The following DOCK4 variants were observed in gnomAD, a reference collection of about 807,000 sequenced individuals.
DOCK4 encodes the protein dedicator of cytokinesis protein 4.
In DOCK4, 97 loss-of-function variants were observed where a neutral mutation model predicts 268.1. That is an observed-to-expected ratio of 0.36 (90% CI 0.31 to 0.43). DOCK4 has a LOEUF of 0.43. DOCK4 is among the 20% of genes least tolerant of loss of function. The pLI is 1.00. For missense variants in DOCK4, 2,145 were observed against 2,455.7 expected (o/e 0.87, Z 2.67); for synonymous variants, 954 against 887.2 (o/e 1.08, Z -1.34).
intron 1 of DOCK4, among the ~76,000 whole-genome samples, chr7:112,160,244 C>A (rs958673249): frequency 1.3e-5 from 2 of 152,152 alleles, no homozygotes; most frequent in African/African-American, 4.8e-5. Context: ...CTTTACCTCT[C>A]TCAGAGGGCT....
rs1161108408 is a variant in DOCK4, at chr7:111,811,877, A to G, written c.3003T>C (p.Tyr1001=). 6.6e-7 allele frequency: 1 copy of G among 1,504,502 alleles called. No homozygotes were observed. The highest frequency in any genetic ancestry group is 2.0e-5 in the Admixed American group (1 of 50,128). The allele number at this position is 1,504,502 out of a possible 1,614,324, so 93.2% of individuals were successfully genotyped here. The part of the protein sequence containing the change: ...RKNFLNENFD[Y]KIWDSYFYLA... ...AGTCATATAAATGAATGCTTACCTT[A>G]TAATCAAAGTTTTCATTTAAGAAGT... The change falls in exon 28 of 53, where the codon TAT becomes TAC. Residue 1001 remains tyrosine, a synonymous_variant. Transcript: ENST00000428084.
chr7:111,986,886 A>C (rs902598113), intron 6 of DOCK4, among the ~76,000 whole-genome samples: 2 of 152,234 alleles, frequency 1.3e-5, no homozygotes. Context: ...GATGGAACAC[A>C]TTCTTAATTT....
intron 1 of DOCK4, among the ~76,000 whole-genome samples, chr7:112,093,877 G>GC (rs1346429263): frequency 1.6e-5 from 2 of 122,064 alleles, no homozygotes; most frequent in Non-Finnish European, 3.4e-5. Context: ...TGACATATAA[G>GC]GAAAAAAAAA....
At chr7:111,940,075 C>CGTAG (rs1456234349) in intron 11 of DOCK4, 35 bp downstream of exon 11, 1 of 1,611,634 alleles carries the variant, frequency 6.2e-7, no homozygotes, top group Non-Finnish European at 8.5e-7. Flanking sequence ...TACCCCTGTG[C>CGTAG]CTACCCCAGC....
In DOCK4 at chr7:111,739,075, T is replaced by C. The variant is rs1795707289; in HGVS notation, c.5232+59A>G. The C allele has an allele frequency of 4.1e-6, 6 of 1,459,032 alleles. No individual in the cohort carries two copies. In the Admixed American group the frequency reaches 6.8e-5, roughly 16 times the overall value. 90.4% of individuals were successfully genotyped at this position (1,459,032 alleles called of 1,614,324 possible). On this transcript the variant is annotated intron_variant, in intron 49 of 52. Coordinates refer to ENST00000428084, the MANE Select transcript of DOCK4 (RefSeq NM_001363540.2). ...CAGCTACCGCGTGTTTCTGCAGAGA[T>C]AGGTAAGCAATTCCAGAATTGTCCT... is the stretch of plus-strand genomic sequence containing the variant.
At chr7:111,957,218 C>T (rs1244383799) in intron 8 of DOCK4, among the ~76,000 whole-genome samples, 2 of 151,952 alleles carry the variant, frequency 1.3e-5, no homozygotes, top group Admixed American at 6.6e-5. Context: ...AAATAAAAAT[C>T]GCATATTGGA....
chr7:111,842,788 T>C (rs1803799681), intron 25 of DOCK4, among the ~76,000 whole-genome samples: 2 of 152,112 alleles, frequency 1.3e-5, no homozygotes, highest in African/African-American at 4.8e-5. Flanking sequence ...AGAGACCACA[T>C]GCAGAGCCAG....
intron 26 of DOCK4, among the ~76,000 whole-genome samples, chr7:111,834,239 A>G (rs138012887): frequency 6.6e-5 from 10 of 152,300 alleles, no homozygotes; most frequent in African/African-American, 2.4e-4. Context: ...ATATTTACAT[A>G]TTCTCTTTTA....
Position 111,915,921 on chromosome 7 carries a change from A to AT in DOCK4, c.1067-18dup. The AT allele has an allele frequency of 6.2e-7, 1 of 1,606,178 alleles. No individual in the cohort carries two copies. The highest frequency in any genetic ancestry group is 8.5e-7 in the Non-Finnish European group (1 of 1,176,544). ...CTGCTAAACCTAAAACAGATGAGAG[A>AT]TACCCGAGTTAAAAACAGAATAGAA... On this transcript the variant is annotated splice_polypyrimidine_tract_variant and intron_variant, in intron 12 of 52. Transcript: ENST00000428084.
chr7:112,157,584 G>GATTA (rs1816738473), intron 1 of DOCK4, among the ~76,000 whole-genome samples: 1 of 152,120 alleles, frequency 6.6e-6, no homozygotes, highest in African/African-American at 2.4e-5. Context: ...ACAGTTCAGG[G>GATTA]ATTAGAGCAC....
At position 112,115,353 on chromosome 7, in the gene DOCK4, C is replaced by G. The variant is rs76157350; in HGVS notation, c.37+90749G>C. ...CTCAGTTCAGACGCAGTGAGTCCAT[C>G]TGATGTGCTACTTCCTGAAAGAACA... On this transcript the variant is annotated intron_variant, in intron 1 of 52. Transcript: ENST00000428084. Among the ~76,000 whole-genome samples, 718 of 152,306 alleles carry G rather than the reference C, an allele frequency of 4.7e-3. 5 individuals are homozygous for G. Among genetic ancestry groups the G allele is most frequent in the African/African-American group, 0.017 (691 of 41,558 alleles).
chr7:111,845,918 C>T (rs929948530), intron 24 of DOCK4, among the ~76,000 whole-genome samples: 1 of 152,076 alleles, frequency 6.6e-6, no homozygotes, highest in Non-Finnish European at 1.5e-5. Flanking sequence ...TTTATAGAGG[C>T]GGGTTTAAAA....
intron 1 of DOCK4, among the ~76,000 whole-genome samples, chr7:112,031,729 G>A (rs959359629): frequency 2.6e-5 from 4 of 152,172 alleles, no homozygotes; most frequent in African/African-American, 9.7e-5. Context: ...CACGGGAAGA[G>A]TGCTTGCTTT....
chr7:111,878,363 AAAAT>A (rs1414972080), intron 16 of DOCK4, among the ~76,000 whole-genome samples: 1 of 152,246 alleles, frequency 6.6e-6, no homozygotes, highest in Non-Finnish European at 1.5e-5. Flanking sequence ...TGGTGGATTA[AAAAT>A]AAATATGAAG....
intron 52 of DOCK4, among the ~76,000 whole-genome samples, chr7:111,730,322 T>G (rs937544150): frequency 6.6e-6 from 1 of 152,226 alleles, no homozygotes; most frequent in African/African-American, 2.4e-5. Context: ...GTCCAGTGTT[T>G]TCCAAACTTA....
chr7:111,918,766 G>A (rs67506797), intron 12 of DOCK4, among the ~76,000 whole-genome samples: 35,350 of 152,066 alleles, frequency 0.23, 4,056 homozygotes, highest in East Asian at 0.35. Context: ...TCTAGTACAT[G>A]ATAACAGTTC....
intron 28 of DOCK4, among the ~76,000 whole-genome samples, chr7:111,809,694 G>A (rs1253585361): frequency 3.3e-5 from 5 of 152,120 alleles, no homozygotes; most frequent in South Asian, 2.1e-4. Context: ...CAGGTTTCAC[G>A]AGCTTTTTGG....
Position 111,977,416 on chromosome 7 carries a change from T to A in DOCK4, c.550-133A>T, listed in dbSNP as rs1161090214. ...TTTTTATTTTGCTGTGGATTTGGTA[T>A]CTAAATCCACAGCAAAATATACATT... is the stretch of plus-strand genomic sequence containing the variant. On this transcript the variant is annotated intron_variant, in intron 7 of 52. Coordinates refer to ENST00000428084, the MANE Select transcript of DOCK4 (RefSeq NM_001363540.2). 3 of 950,862 alleles carry A rather than the reference T, an allele frequency of 3.2e-6. No homozygotes were observed. The African/African-American group carries it at 5.0e-5, about 16-fold the overall frequency. The allele number at this position is 950,862 out of a possible 1,614,324, so 58.9% of individuals were successfully genotyped here. A position where few individuals can be genotyped will look rare whatever the true frequency, so the allele number is the denominator to read the frequency against.
chr7:111,872,958 TGA>T (rs1449512549), intron 17 of DOCK4, among the ~76,000 whole-genome samples: 1 of 152,208 alleles, frequency 6.6e-6, no homozygotes, highest in Non-Finnish European at 1.5e-5. Flanking sequence ...CCTGGAAAGA[TGA>T]GAGTTTCTTG....
Sources: allele counts gnomAD v4.1 joint callset (sites outside exome capture counted in the v4.1 genomes callset), GRCh38; gene constraint gnomAD v4.1.1; transcripts MANE v1.5; gene names NCBI Gene and HGNC (gene_info 2026-07-23, HGNC 2026-07-21).